The following CDC42EP2 variants were observed in gnomAD, a reference collection of about 807,000 sequenced individuals.
CDC42EP2 encodes the protein CDC42 effector protein (Rho GTPase binding) 2.
In CDC42EP2, 5 loss-of-function variants were observed where a neutral mutation model predicts 7.3. The ratio of observed to expected loss-of-function variants is 0.68; its 90% CI spans 0.36 to 1.44. The LOEUF is 1.44. Among genes scored for constraint, CDC42EP2 ranks in the 40% most tolerant of loss-of-function variants. The pLI is 0.04. For synonymous variants in CDC42EP2, 113 were observed against 123.6 expected, an observed-to-expected ratio of 0.91 and a Z score of 0.57; for missense variants, 251 against 282.6, an observed-to-expected ratio of 0.89 and a Z score of 0.80.
Position 65,321,016 on chromosome 11 carries a change from A to C in CDC42EP2, c.118A>C (p.Thr40Pro), listed in dbSNP as rs1170063557. The change falls in exon 2 of 2, where the codon ACC becomes CCC. Residue 40 changes from threonine (T) to proline (P), a missense_variant. Coordinates refer to ENST00000279249, the MANE Select transcript of CDC42EP2 (RefSeq NM_006779.4). This position sits in a 1 kb window ranked among gnomAD's most constrained non-coding sequence, Gnocchi z 4.4. ...ISPPLGDFRH[T>P]IHIGSGGGSD... Reference sequence around the variant, plus strand: ...CCCACCGCTGGGGGACTTCCGCCACACCATTCATATTGGCAGTGGCGGCGG... The same window carrying C: ...CCCACCGCTGGGGGACTTCCGCCACCCCATTCATATTGGCAGTGGCGGCGG... 6.2e-7 allele frequency: 1 copy of C among 1,614,112 alleles called. No individual in the cohort carries two copies. Among genetic ancestry groups the C allele is most frequent in the East Asian group, 2.2e-5 (1 of 44,884 alleles).
intron 1 of CDC42EP2, among the ~76,000 whole-genome samples, chr11:65,317,408 AC>A (rs1261322567): frequency 1.4e-5 from 2 of 145,782 alleles, no homozygotes; most frequent in Non-Finnish European, 3.0e-5. Context: ...CAACCCCCTC[AC>A]CCCCACCCTC....
chr11:65,320,511 G>A (rs1168772295), intron 1 of CDC42EP2, 33 bp from the exon 2 acceptor site: 2 of 187,750 alleles, frequency 1.1e-5, no homozygotes, highest in Non-Finnish European at 2.2e-5. Flanking sequence ...TGGTCCCGCT[G>A]TCTCTGACAG....
In CDC42EP2 at chr11:65,321,210, C is replaced by T. The variant is rs1590921915; in HGVS notation, c.312C>T (p.Leu104=). 3 of 1,613,974 alleles carry T rather than the reference C, an allele frequency of 1.9e-6. No individual in the cohort carries two copies. The highest frequency in any genetic ancestry group is 2.5e-6 in the Non-Finnish European group (3 of 1,179,984). ...TCCCGGACGGCCCATCCCCTCTGCT[C>T]AAGAACGCCATCTCCCTCCCGGTTA... ...RELPDGPSPL[L]KNAISLPVIG... The change falls in exon 2 of 2, where the codon CTC becomes CTT. Residue 104 remains leucine, a synonymous_variant. Transcript: ENST00000279249. This position sits in a 1 kb window ranked among gnomAD's most constrained non-coding sequence, Gnocchi z 4.4.
chr11:65,316,261 T>G (rs1386473053), intron 1 of CDC42EP2, among the ~76,000 whole-genome samples: 1 of 152,106 alleles, frequency 6.6e-6, no homozygotes, highest in African/African-American at 2.4e-5. Flanking sequence ...ATTTTCTCAT[T>G]GGGAGGTCCA....
In CDC42EP2 at chr11:65,315,508, G is replaced by C. The variant is rs61502141; in HGVS notation, c.-356+554G>C. Among the ~76,000 whole-genome samples, 1,077 of 152,354 alleles carry C rather than the reference G, an allele frequency of 7.1e-3. 12 individuals carry two copies. The highest frequency in any genetic ancestry group is 0.025 in the African/African-American group (1,032 of 41,592). On this transcript the variant is annotated intron_variant, in intron 1 of 1. Coordinates refer to ENST00000279249, the MANE Select transcript of CDC42EP2 (RefSeq NM_006779.4). The surrounding 1 kb of genome is among the most constrained non-coding windows in gnomAD (Gnocchi z 4.1). ...ACATCGCCCAGGCCGGAAAGCACAG[G>C]GGGGAGGCTCCTCCCAGAGCTTGGA...
In CDC42EP2 at chr11:65,321,375, C is replaced by A. The variant is rs760704888; in HGVS notation, c.477C>A (p.Pro159=). Reference sequence around the variant, plus strand: ...GGAGGATTCCAGAGACTGGCTCCCCCAACAGTGGACTGACCCCGGAGTCAG... The same window carrying A: ...GGAGGATTCCAGAGACTGGCTCCCCAAACAGTGGACTGACCCCGGAGTCAG... ...DIWRIPETGS[P]NSGLTPESGA... The change falls in exon 2 of 2, where the codon CCC becomes CCA. Residue 159 remains proline, a synonymous_variant. Coordinates refer to ENST00000279249, the MANE Select transcript of CDC42EP2 (RefSeq NM_006779.4). The surrounding 1 kb of genome is among the most constrained non-coding windows in gnomAD (Gnocchi z 4.4). 1.2e-6 allele frequency: 2 copies of A among 1,613,860 alleles called. No homozygotes were observed. Among genetic ancestry groups the A allele is most frequent in the Non-Finnish European group, 1.7e-6 (2 of 1,180,038 alleles).
rs1949976189 is a variant in CDC42EP2, at chr11:65,321,667, CG to C, written c.*137del. ...CTGGCCAGTGATTCTCCTTCTGAGC[CG>C]TGTTTCCCCTCTCCCTCCCTCTCCA... is the stretch of plus-strand genomic sequence containing the variant. On this transcript the variant is annotated 3_prime_UTR_variant, in exon 2 of 2. Transcript: ENST00000279249. The surrounding 1 kb of genome is among the most constrained non-coding windows in gnomAD (Gnocchi z 4.4). 2 of 804,008 alleles carry C rather than the reference CG, an allele frequency of 2.5e-6. No homozygotes were observed. Among genetic ancestry groups the C allele is most frequent in the Non-Finnish European group, 4.0e-6 (2 of 502,604 alleles). 49.8% of individuals were successfully genotyped at this position (804,008 alleles called of 1,614,324 possible).
rs1949979793 is a variant in CDC42EP2, at chr11:65,322,326, G to C, written c.*795G>C. On this transcript the variant is annotated 3_prime_UTR_variant, in exon 2 of 2. Transcript: ENST00000279249. Reference sequence around the variant, plus strand: ...GCAAGAGGTGGCTGAGCACTGGGGTGGGCTTGGCACTGTGCCAAGCCTGGG... The same window carrying C: ...GCAAGAGGTGGCTGAGCACTGGGGTCGGCTTGGCACTGTGCCAAGCCTGGG... 1 of 166,974 alleles carries C rather than the reference G, an allele frequency of 6.0e-6. No individual in the cohort carries two copies. The highest frequency in any genetic ancestry group is 1.5e-5 in the Non-Finnish European group (1 of 68,152). The allele number at this position is 166,974 out of a possible 1,614,324, so 10.3% of individuals were successfully genotyped here.
chr11:65,321,338 G>A lies in CDC42EP2; in HGVS notation c.440G>A (p.Ser147Asn). The change falls in exon 2 of 2, where the codon AGT (serine) becomes AAT (asparagine). Residue 147 changes from serine (S) to asparagine (N), a missense_variant. Physicochemically the swap from Ser to Asn is conservative, Grantham distance 46. Coordinates refer to ENST00000279249, the MANE Select transcript of CDC42EP2 (RefSeq NM_006779.4). The surrounding 1 kb of genome is among the most constrained non-coding windows in gnomAD (Gnocchi z 4.4). ...TPQPSPQEGG[S>N]VDIWRIPETG... Reference sequence around the variant, plus strand: ...CAGCCTTCCCCACAGGAGGGAGGGAGTGTGGACATCTGGAGGATTCCAGAG... The same window carrying A: ...CAGCCTTCCCCACAGGAGGGAGGGAATGTGGACATCTGGAGGATTCCAGAG... 3.1e-6 allele frequency: 5 copies of A among 1,613,998 alleles called. No homozygotes were observed. The highest frequency in any genetic ancestry group is 4.2e-6 in the Non-Finnish European group (5 of 1,180,028).
At chr11:65,317,058 T>C (rs904735722) in intron 1 of CDC42EP2, 1 of 152,258 alleles carries the variant, frequency 6.6e-6, no homozygotes, top group African/African-American at 2.4e-5. Flanking sequence ...ACAAATTGCA[T>C]GTTTGTCAGC....
intron 1 of CDC42EP2, among the ~76,000 whole-genome samples, chr11:65,318,915 A>G (rs1949961056): frequency 2.1e-5 from 2 of 95,656 alleles, no homozygotes; most frequent in African/African-American, 8.2e-5. Flanking sequence ...TTTGTATAGG[A>G]CAGAATTCTA....
Position 65,321,915 on chromosome 11 carries a change from A to G in CDC42EP2, c.*384A>G, listed in dbSNP as rs1590922231. On this transcript the variant is annotated 3_prime_UTR_variant, in exon 2 of 2. Transcript: ENST00000279249. This position sits in a 1 kb window ranked among gnomAD's most constrained non-coding sequence, Gnocchi z 4.4. The stretch of plus-strand genomic sequence containing the variant: ...CCTGACTGGGGGCAGGGGAAGAGAC[A>G]GGGCACAGCTGGCCACAGGGCTCAG... The G allele has an allele frequency of 4.7e-6, 1 of 214,532 alleles. No individual in the cohort carries two copies. The highest frequency in any genetic ancestry group is 1.2e-4 in the East Asian group (1 of 8,576). 13.3% of individuals were successfully genotyped at this position (214,532 alleles called of 1,614,324 possible). A position where few individuals can be genotyped will look rare whatever the true frequency, so the allele number is the denominator to read the frequency against.
At chr11:65,319,263 G>A (rs773539231) in intron 1 of CDC42EP2, among the ~76,000 whole-genome samples, 4 of 151,550 alleles carry the variant, frequency 2.6e-5, no homozygotes, top group Non-Finnish European at 5.9e-5. Context: ...CAAATAGCTG[G>A]GACCACAGGC....
At chr11:65,316,277 C>T (rs570250819) in intron 1 of CDC42EP2, among the ~76,000 whole-genome samples, 4 of 152,272 alleles carry the variant, frequency 2.6e-5, no homozygotes, top group East Asian at 3.9e-4. Flanking sequence ...GTCCAGGGCT[C>T]CTGTCCAGGG....
Position 65,321,529 on chromosome 11 carries a change from T to A in CDC42EP2, c.631T>A (p.Ter211LysextTer121). 1.9e-6 allele frequency: 3 copies of A among 1,599,636 alleles called. No homozygotes were observed. The highest frequency in any genetic ancestry group is 2.6e-6 in the Non-Finnish European group (3 of 1,170,006). The change falls in exon 2 of 2, where the codon TAG becomes AAG. Residue 211 changes from the stop codon to lysine, a stop_lost. Transcript: ENST00000279249. This position sits in a 1 kb window ranked among gnomAD's most constrained non-coding sequence, Gnocchi z 4.4. ...QDLDSMQIPT[*>K] ...CCTGGACAGCATGCAGATCCCCACATAGGACACGAGGCTGCCTAGGCTGGG... is the reference window on the plus strand; with the variant it reads ...CCTGGACAGCATGCAGATCCCCACAAAGGACACGAGGCTGCCTAGGCTGGG...
intron 1 of CDC42EP2, among the ~76,000 whole-genome samples, chr11:65,317,950 A>G (rs1018597632): frequency 2.0e-5 from 3 of 152,014 alleles, no homozygotes; most frequent in African/African-American, 7.2e-5. Context: ...CCAAAATATT[A>G]TAGGTTATTT....
Position 65,320,466 on chromosome 11 carries a change from A to T in CDC42EP2, c.-355-78A>T, listed in dbSNP as rs144813235. 1.3e-3 allele frequency: 216 copies of T among 165,832 alleles called. 1 individual carries two copies. The highest frequency in any genetic ancestry group is 3.1e-3 in the Admixed American group (55 of 17,700). The allele number at this position is 165,832 out of a possible 1,614,324, so 10.3% of individuals were successfully genotyped here. ...AGCCTGGGTGACACAGTGAGACTCC[A>T]TCTTAAAAATAAAAAAGATGTTTGC... On this transcript the variant is annotated intron_variant, in intron 1 of 1. Transcript: ENST00000279249.
chr11:65,321,315 GC>G lies in CDC42EP2; in HGVS notation c.419del (p.Pro140LeufsTer24). ...PPRLHLETPQ[P>X]SPQEGGSVDI... ...CTCGCCTGCACCTGGAGACCCCTCA[GC>G]CTTCCCCACAGGAGGGAGGGAGTGT... On this transcript the variant is annotated frameshift_variant, in exon 2 of 2. Transcript: ENST00000279249. LOFTEE classifies it high-confidence loss of function. This position sits in a 1 kb window ranked among gnomAD's most constrained non-coding sequence, Gnocchi z 4.4. The G allele has an allele frequency of 1.9e-6, 3 of 1,613,918 alleles. No individual in the cohort carries two copies. The highest frequency in any genetic ancestry group is 2.5e-6 in the Non-Finnish European group (3 of 1,180,002).
chr11:65,320,198 G>C (rs1324200146), intron 1 of CDC42EP2, among the ~76,000 whole-genome samples: 1 of 152,140 alleles, frequency 6.6e-6, no homozygotes, highest in African/African-American at 2.4e-5. Context: ...CAGGCACGGT[G>C]GCTCACACCT....
Sources: allele counts gnomAD v4.1 joint callset (sites outside exome capture counted in the v4.1 genomes callset), GRCh38; gene constraint gnomAD v4.1.1; non-coding constraint Gnocchi (gnomAD v3.1); transcripts MANE v1.5; gene names NCBI Gene and HGNC (gene_info 2026-07-23, HGNC 2026-07-21).